Variants in SWI5 observed in about 807,000 individuals in gnomAD.
SWI5 encodes the protein DNA repair protein SWI5 homolog.
In SWI5, 12 loss-of-function variants were observed where a neutral mutation model predicts 17.0. The observed-to-expected ratio is 0.71, with a 90% confidence interval of 0.45 to 1.14. The LOEUF (loss-of-function observed/expected upper bound fraction) is 1.14. Ranked by LOEUF, SWI5 falls within the 50% of genes most tolerant of loss-of-function variation. SWI5 has a pLI of 0.00. For missense variants in SWI5, 158 were observed against 162.2 expected, an observed-to-expected ratio of 0.97 and a Z score of 0.14; for synonymous variants, 61 against 64.0, an observed-to-expected ratio of 0.95 and a Z score of 0.22.
chr9:128,277,802 C>T lies in SWI5; in HGVS notation c.111+1047C>T, dbSNP rs574380367. Among the ~76,000 whole-genome samples, 5 of 152,292 alleles carry T rather than the reference C, an allele frequency of 3.3e-5. No individual in the cohort carries two copies. The South Asian group carries it at 6.2e-4, about 19-fold the overall frequency. ...GGCAACTCACAGTGAGCTCAGATGA[C>T]GATGACGGGGTGGCAGCCATAGTTT... On this transcript the variant is annotated intron_variant, in intron 2 of 4. Coordinates refer to ENST00000418976, the Ensembl canonical transcript of SWI5.
chr9:128,288,727 C>G, exon 5 of SWI5: 2 of 1,614,042 alleles, frequency 1.2e-6, no homozygotes, highest in Non-Finnish European at 1.7e-6. Context: ...GCAGGCTCAT[C>G]GCCCCTTGTC....
chr9:128,277,276 G>T (rs1831427340), intron 2 of SWI5, among the ~76,000 whole-genome samples: 1 of 152,292 alleles, frequency 6.6e-6, no homozygotes, highest in Admixed American at 6.5e-5. Context: ...TGAGGGCCGG[G>T]TGCAGTGGCT....
intron 2 of SWI5, among the ~76,000 whole-genome samples, chr9:128,277,189 C>T (rs1478400462): frequency 1.3e-5 from 2 of 152,180 alleles, no homozygotes; most frequent in African/African-American, 4.8e-5. Context: ...AAGCCACCCC[C>T]AAAACGCAGC....
At chr9:128,282,878 G>A (rs991529052) in intron 2 of SWI5, among the ~76,000 whole-genome samples, 3 of 152,212 alleles carry the variant, frequency 2.0e-5, no homozygotes, top group African/African-American at 7.2e-5. Flanking sequence ...TATCCAATGA[G>A]ATTATAAACC....
At chr9:128,278,313 A>G (rs1238529850) in intron 2 of SWI5, among the ~76,000 whole-genome samples, 2 of 152,172 alleles carry the variant, frequency 1.3e-5, no homozygotes, top group South Asian at 2.1e-4. Context: ...TCACGCCTAT[A>G]ATCCCAGCAC....
chr9:128,282,359 C>A (rs1831553886), intron 2 of SWI5, among the ~76,000 whole-genome samples: 1 of 151,948 alleles, frequency 6.6e-6, no homozygotes, highest in Admixed American at 6.6e-5. Context: ...AGCACTCCAG[C>A]CTGGGCGACA....
At chr9:128,281,089 G>A (rs1049039674) in intron 2 of SWI5, among the ~76,000 whole-genome samples, 14 of 127,710 alleles carry the variant, frequency 1.1e-4, no homozygotes, top group Admixed American at 6.3e-4. Flanking sequence ...CCAGGCTGGC[G>A]TGCAATGGTG....
chr9:128,277,849 G>A (rs1831456254), intron 2 of SWI5, among the ~76,000 whole-genome samples: 1 of 152,028 alleles, frequency 6.6e-6, no homozygotes, highest in South Asian at 2.1e-4. Flanking sequence ...TGGGCTGATT[G>A]AGCTTCTCTC....
intron 2 of SWI5, among the ~76,000 whole-genome samples, chr9:128,283,225 G>A (rs553788960): frequency 1.3e-5 from 2 of 152,360 alleles, no homozygotes; most frequent in South Asian, 2.1e-4. Flanking sequence ...AGGAGGCTGA[G>A]GCAGGAGAAT....
At position 128,285,873 on chromosome 9, in the gene SWI5, G is replaced by A. The variant is rs1831629394; in HGVS notation, c.234-66G>A. ...TTACAGATGCCTTATTACTATCTGA[G>A]CCTGGGGCCATCATCTGCTTTCTTA... On this transcript the variant is annotated intron_variant, in intron 3 of 4. Coordinates refer to ENST00000418976, the Ensembl canonical transcript of SWI5. The surrounding 1 kb of genome is among the most constrained non-coding windows in gnomAD (Gnocchi z 4.8). 1 of 1,109,552 alleles carries A rather than the reference G, an allele frequency of 9.0e-7. No homozygotes were observed. Among genetic ancestry groups the A allele is most frequent in the Non-Finnish European group, 1.4e-6 (1 of 725,672 alleles). The allele number at this position is 1,109,552 out of a possible 1,614,324, so 68.7% of individuals were successfully genotyped here. A position where few individuals can be genotyped will look rare whatever the true frequency, so the allele number is the denominator to read the frequency against.
intron 2 of SWI5, among the ~76,000 whole-genome samples, chr9:128,278,289 C>T (rs1400159294): frequency 6.6e-6 from 1 of 151,986 alleles, no homozygotes; most frequent in Admixed American, 6.6e-5. Flanking sequence ...CAACGCTCGA[C>T]CCGGCACAGT....
intron 3 of SWI5, among the ~76,000 whole-genome samples, chr9:128,284,896 C>T (rs1831609054): frequency 6.9e-6 from 1 of 144,094 alleles, no homozygotes; most frequent in Admixed American, 7.3e-5. Context: ...ATGGAGGTTG[C>T]AGTCAGCTGA....
At chr9:128,284,623 C>T (rs529693581) in exon 3 of SWI5, 24 of 1,613,318 alleles carry the variant, frequency 1.5e-5, no homozygotes, top group South Asian at 1.4e-4. Flanking sequence ...TCTCCCAGTT[C>T]GTATCTGAGT....
chr9:128,277,803 G>A (rs924363982), intron 2 of SWI5, among the ~76,000 whole-genome samples: 4 of 152,218 alleles, frequency 2.6e-5, no homozygotes, highest in African/African-American at 4.8e-5. Context: ...CTCAGATGAC[G>A]ATGACGGGGT....
chr9:128,276,868 T>C, intron 2 of SWI5, 113 bp downstream of exon 2: 1 of 1,132,282 alleles, frequency 8.8e-7, no homozygotes, highest in Non-Finnish European at 1.3e-6. Flanking sequence ...CTCTTCCATA[T>C]CTTCTCCCAG....
upstream of SWI5, chr9:128,276,175 G>C: frequency 6.3e-7 from 1 of 1,578,678 alleles, no homozygotes; most frequent in Non-Finnish European, 8.6e-7. Context: ...GGGACCTGTG[G>C]CGTCACAACA....
intron 2 of SWI5, among the ~76,000 whole-genome samples, chr9:128,281,683 T>C (rs1391312541): frequency 6.6e-6 from 1 of 152,244 alleles, no homozygotes; most frequent in Non-Finnish European, 1.5e-5. Context: ...TAAACAAAAG[T>C]CCCTTCCCTC....
upstream of SWI5, chr9:128,275,750 CAA>C (rs1051844170): frequency 2.0e-5 from 12 of 602,794 alleles, no homozygotes; most frequent in Non-Finnish European, 2.3e-5. Context: ...GGCTGGCTGA[CAA>C]GACTTTGGTG....
chr9:128,281,660 ATG>A (rs1831541987), intron 2 of SWI5, among the ~76,000 whole-genome samples: 1 of 152,270 alleles, frequency 6.6e-6, no homozygotes, highest in Non-Finnish European at 1.5e-5. Flanking sequence ...TGTAGACACT[ATG>A]CAATCAGCAG....
Sources: gnomAD v4.1 joint callset for allele counts (sites outside exome capture counted in the v4.1 genomes callset) on GRCh38, gnomAD v4.1.1 for gene constraint, Gnocchi (gnomAD v3.1) non-coding constraint, MANE v1.5 for transcripts, NCBI Gene and HGNC (gene_info 2026-07-23, HGNC 2026-07-21) for gene names.